Variants in RELCH observed in about 807,000 individuals in gnomAD.
RELCH encodes the protein RAB11-binding protein RELCH.
Under a neutral mutation model 150.3 loss-of-function variants are expected in RELCH, and 41 were observed. The ratio of observed to expected loss-of-function variants is 0.27; its 90% CI spans 0.21 to 0.35. RELCH has a LOEUF of 0.35. RELCH is among the 10% of genes least tolerant of loss of function. The probability of loss-of-function intolerance (pLI) is 1.00; values close to 1 mark genes in which losing one functional copy is unlikely to be tolerated. For missense variants in RELCH, 1,092 were observed against 1,467.8 expected (o/e 0.74, Z 4.18); for synonymous variants, 478 against 531.8 (o/e 0.90, Z 1.39).
At chr18:62,243,191 G>T (rs751738733) in intron 10 of RELCH, among the ~76,000 whole-genome samples, 2 of 152,008 alleles carry the variant, frequency 1.3e-5, no homozygotes, top group African/African-American at 2.4e-5. Flanking sequence ...AGCCCATATG[G>T]AATCAACTAA....
At position 62,266,706 on chromosome 18, in the gene RELCH, A is replaced by G. The variant is rs773914735; in HGVS notation, c.2637A>G (p.Lys879=). 5 of 1,602,118 alleles carry G rather than the reference A, an allele frequency of 3.1e-6. No individual in the cohort carries two copies. The highest frequency in any genetic ancestry group is 4.3e-6 in the Non-Finnish European group (5 of 1,172,302). The change falls in exon 19 of 29, where the codon AAA becomes AAG. Residue 879 remains lysine, a synonymous_variant. Transcript: ENST00000644646. ...FGKIFTNTKV[K]PQFQEILRLS... Reference sequence around the variant, plus strand: ...CTTCTCTTTGGGTTGCTTAGGTAAAACCTCAGTTCCAGGAGATTTTAAGAC... The same window carrying G: ...CTTCTCTTTGGGTTGCTTAGGTAAAGCCTCAGTTCCAGGAGATTTTAAGAC...
chr18:62,298,851 A>C lies in RELCH; in HGVS notation c.3521A>C (p.Glu1174Ala). ...EQKVENKTVQEPQGSMSIAAS... is the reference protein window; with the variant it reads ...EQKVENKTVQAPQGSMSIAAS... ...AAAGTTGAAAACAAGACCGTCCAAGAGCCTCAAGGGTAAGACATTAATTCT... is the reference window on the plus strand; with the variant it reads ...AAAGTTGAAAACAAGACCGTCCAAGCGCCTCAAGGGTAAGACATTAATTCT... The change falls in exon 28 of 29, where the codon GAG becomes GCG. Residue 1174 changes from glutamate to alanine, a missense_variant. Physicochemically the swap from Glu to Ala is moderately radical, Grantham distance 107. Around this residue, in one of 4 missense-constraint regions of RELCH, gnomAD observed 707 missense variants for 1,025.4 expected, o/e 0.69. Transcript: ENST00000644646. 1 of 1,570,278 alleles carries C rather than the reference A, an allele frequency of 6.4e-7. No individual in the cohort carries two copies. Among genetic ancestry groups the C allele is most frequent in the Non-Finnish European group, 8.7e-7 (1 of 1,146,942 alleles).
chr18:62,201,558 A>G (rs942126793), intron 1 of RELCH, among the ~76,000 whole-genome samples: 2 of 152,164 alleles, frequency 1.3e-5, no homozygotes, highest in African/African-American at 2.4e-5. Context: ...AAATGTAATT[A>G]TGGGGGAAAA....
At chr18:62,192,170 G>A (rs971405434) in intron 1 of RELCH, among the ~76,000 whole-genome samples, 1 of 152,100 alleles carries the variant, frequency 6.6e-6, no homozygotes, top group African/African-American at 2.4e-5. Flanking sequence ...TTTTTCATAT[G>A]CTTGTTGCCG....
chr18:62,227,109 C>T (rs2041263561), intron 5 of RELCH, among the ~76,000 whole-genome samples, 180 bp from the exon 6 acceptor site: 1 of 151,488 alleles, frequency 6.6e-6, no homozygotes, highest in Admixed American at 6.6e-5. Flanking sequence ...GGGAGGCTCG[C>T]TTCAGCCCAG....
chr18:62,205,968 A>G (rs1170995343), intron 1 of RELCH, among the ~76,000 whole-genome samples: 2 of 152,098 alleles, frequency 1.3e-5, no homozygotes, highest in African/African-American at 4.8e-5. Flanking sequence ...AGACTGCAGT[A>G]AGCCATGATT....
intron 15 of RELCH, among the ~76,000 whole-genome samples, chr18:62,260,232 T>C (rs1429808211): frequency 7.0e-6 from 1 of 142,982 alleles, no homozygotes; most frequent in Non-Finnish European, 1.5e-5. Context: ...GCAAATGATC[T>C]GAATAAACAC....
intron 11 of RELCH, among the ~76,000 whole-genome samples, chr18:62,251,148 A>G (rs147052202): frequency 4.1e-4 from 63 of 152,334 alleles, no homozygotes; most frequent in East Asian, 1.5e-3. Flanking sequence ...TTTTGTAACA[A>G]AGTACCCCAG....
At chr18:62,216,135 A>G (rs1449956254) in intron 2 of RELCH, among the ~76,000 whole-genome samples, 8 of 152,070 alleles carry the variant, frequency 5.3e-5, no homozygotes, top group Admixed American at 2.6e-4. Context: ...GTAACAAGAG[A>G]TATCTGTATT....
chr18:62,257,514 C>T (rs1464322530), intron 13 of RELCH, among the ~76,000 whole-genome samples: 1 of 151,994 alleles, frequency 6.6e-6, no homozygotes, highest in African/African-American at 2.4e-5. Context: ...GTGCTCTTCT[C>T]TGAGTGAAAC....
chr18:62,232,301 A>C (rs367548812), intron 9 of RELCH, 31 bp from the exon 10 acceptor site: 33 of 1,399,194 alleles, frequency 2.4e-5, no homozygotes, highest in Non-Finnish European at 3.3e-5. Flanking sequence ...GTTCTCCACT[A>C]TCATTGTTTA....
chr18:62,306,647 T>C lies in RELCH; in HGVS notation c.*1113T>C, dbSNP rs2045887225. 6.6e-6 allele frequency: 1 copy of C among 152,632 alleles called. No individual in the cohort carries two copies. The highest frequency in any genetic ancestry group is 1.5e-5 in the Non-Finnish European group (1 of 68,032). 9.5% of individuals were successfully genotyped at this position (152,632 alleles called of 1,614,324 possible). On this transcript the variant is annotated 3_prime_UTR_variant, in exon 29 of 29. Coordinates refer to ENST00000644646, the MANE Select transcript of RELCH (RefSeq NM_001346231.2). ...TATTACATAGAGTCTTAAGTCAGTG[T>C]ACAGTTCCACTGGAATTTGACAGTT...
intron 5 of RELCH, among the ~76,000 whole-genome samples, chr18:62,222,467 A>G (rs1568336934): frequency 1.3e-5 from 2 of 151,956 alleles, no homozygotes; most frequent in Non-Finnish European, 2.9e-5. Context: ...AGAAACATTG[A>G]GAGGTCAAAA....
chr18:62,233,194 C>G (rs1270319687), intron 10 of RELCH, among the ~76,000 whole-genome samples: 1 of 151,504 alleles, frequency 6.6e-6, no homozygotes, highest in Non-Finnish European at 1.5e-5. Flanking sequence ...ATTTAAATGA[C>G]AGTGGATGTT....
intron 2 of RELCH, among the ~76,000 whole-genome samples, chr18:62,212,656 T>C (rs2040240710): frequency 6.6e-6 from 1 of 152,188 alleles, no homozygotes; most frequent in African/African-American, 2.4e-5. Context: ...TATAGAACTG[T>C]TATCTTGTTC....
chr18:62,231,766 T>A (rs530626606), intron 9 of RELCH, among the ~76,000 whole-genome samples: 1 of 151,348 alleles, frequency 6.6e-6, no homozygotes, highest in Non-Finnish European at 1.5e-5. Context: ...TACTCACTCC[T>A]CCTTTTCTTG....
chr18:62,221,431 T>C lies in RELCH; in HGVS notation c.792T>C (p.Asn264=). 1 of 1,596,908 alleles carries C rather than the reference T, an allele frequency of 6.3e-7. No individual in the cohort carries two copies. Among genetic ancestry groups the C allele is most frequent in the Non-Finnish European group, 8.5e-7 (1 of 1,169,836 alleles). ...LEKRALNFLV[N]EFLLKNNYKL... ...AGAGAGCTCTAAACTTCTTAGTCAA[T>C]GAATTTTTATTGAAGAATAACTATA... Residue 264 remains asparagine (N), a synonymous_variant, in exon 5 of 29, where the codon AAT becomes AAC. Coordinates refer to ENST00000644646, the MANE Select transcript of RELCH (RefSeq NM_001346231.2).
chr18:62,259,379 A>C (rs1467327949), intron 15 of RELCH, among the ~76,000 whole-genome samples: 4 of 151,884 alleles, frequency 2.6e-5, no homozygotes, highest in Admixed American at 2.6e-4. Flanking sequence ...GAAAGCAATC[A>C]CATTTACAAT....
At chr18:62,250,909 G>T (rs990925578) in intron 11 of RELCH, among the ~76,000 whole-genome samples, 1 of 152,112 alleles carries the variant, frequency 6.6e-6, no homozygotes, top group African/African-American at 2.4e-5. Flanking sequence ...CTTGAAGTTG[G>T]CTACTTTAAA....
Sources: allele counts gnomAD v4.1 joint callset (sites outside exome capture counted in the v4.1 genomes callset), GRCh38; gene constraint gnomAD v4.1.1; regional missense constraint gnomAD v4.1.1; transcripts MANE v1.5; gene names NCBI Gene and HGNC (gene_info 2026-07-23, HGNC 2026-07-21).